The following LHX3 variants were observed in gnomAD, a reference collection of about 807,000 sequenced individuals.
The protein encoded by LHX3 is LIM homeobox 3.
In LHX3, 21 loss-of-function variants were observed where a neutral mutation model predicts 32.4. The observed-to-expected ratio is 0.65, with a 90% CI of 0.46 to 0.93. LHX3 has a LOEUF of 0.93. Ranked by LOEUF, LHX3 falls within the 40% of genes least tolerant of loss-of-function variation. The probability of loss-of-function intolerance (pLI) is 0.00; values close to 1 mark genes in which losing one functional copy is unlikely to be tolerated. For missense variants in LHX3, 626 were observed against 560.0 expected (o/e 1.12, Z -1.19); for synonymous variants, 258 against 246.8 (o/e 1.05, Z -0.43).
At chr9:136,200,503 C>T in intron 2 of LHX3, 79 bp downstream of exon 2, 1 of 1,474,932 alleles carries the variant, frequency 6.8e-7, no homozygotes, top group Non-Finnish European at 9.3e-7. Flanking sequence ...AGGGCCTGGC[C>T]TTGGTGATTG....
Position 136,198,648 on chromosome 9 carries a change from C to T in LHX3, c.775+4G>A. ...CCCCCGAGCTCCGCGATCCCTCCGC[C>T]TACCGGGGAAGGAGACCTCAGCGTC... On this transcript the variant is annotated splice_donor_region_variant and intron_variant, in intron 5 of 5. Transcript: ENST00000371748. 4 of 1,585,492 alleles carry T rather than the reference C, an allele frequency of 2.5e-6. No individual in the cohort carries two copies. The highest frequency in any genetic ancestry group is 3.4e-6 in the Non-Finnish European group (4 of 1,168,630).
intron 5 of LHX3, 98 bp downstream of exon 5, chr9:136,198,554 A>G (rs1831549338): frequency 2.2e-6 from 3 of 1,352,432 alleles, no homozygotes; most frequent in Middle Eastern, 2.4e-4. Flanking sequence ...GAGTCCACTA[A>G]CTCCATGGGA....
rs1472892706 is a variant in LHX3 at position 136,200,693 on chromosome 9, A to G, written c.140T>C (p.Leu47Pro). ...ACACTTGCTGTGCCAGTGGCGGTCCAGAGCCTTGAGGATGAAGCGGTCCAG... is the reference window on the plus strand; with the variant it reads ...ACACTTGCTGTGCCAGTGGCGGTCCGGAGCCTTGAGGATGAAGCGGTCCAG... ...HILDRFILKALDRHWHSKCLK... is the reference protein window; with the variant it reads ...HILDRFILKAPDRHWHSKCLK... Residue 47 changes from leucine (L) to proline (P), a missense_variant, in exon 2 of 6, where the codon CTG (leucine) becomes CCG (proline). Physicochemically the swap from Leu to Pro is moderately conservative, Grantham distance 98 (BLOSUM62 -3). Transcript: ENST00000371748. 1 of 1,613,550 alleles carries G rather than the reference A, an allele frequency of 6.2e-7. No homozygotes were observed. The highest frequency in any genetic ancestry group is 1.1e-5 in the South Asian group (1 of 91,078).
chr9:136,202,324 AG>A (rs1206359558), intron 1 of LHX3, among the ~76,000 whole-genome samples: 4 of 151,804 alleles, frequency 2.6e-5, no homozygotes, highest in Non-Finnish European at 5.9e-5. Flanking sequence ...CTGCGGCTCC[AG>A]CTGGCCCGGG....
intron 2 of LHX3, 31 bp downstream of exon 2, chr9:136,200,551 T>C (rs1216382625): frequency 1.9e-6 from 3 of 1,610,620 alleles, no homozygotes; most frequent in Non-Finnish European, 1.7e-6. Context: ...TGCCCTCCGC[T>C]CCCACACTGA....
At chr9:136,201,701 C>T in intron 1 of LHX3, 1 of 986,944 alleles carries the variant, frequency 1.0e-6, no homozygotes, top group African/African-American at 1.7e-5. Context: ...GAAGGGGCTC[C>T]CTCGACCTCC....
Position 136,199,663 on chromosome 9 carries a change from G to A in LHX3, c.454+15C>T, listed in dbSNP as rs779161135. 9 of 1,612,154 alleles carry A rather than the reference G, an allele frequency of 5.6e-6. No individual in the cohort carries two copies. Among genetic ancestry groups the A allele is most frequent in the South Asian group, 2.2e-5 (2 of 91,070 alleles). On this transcript the variant is annotated intron_variant, in intron 3 of 5. Coordinates refer to ENST00000371748, the MANE Select transcript of LHX3 (RefSeq NM_178138.6). ...TCAGACCAGGAAAGGTGGGAGCGTC[G>A]TCCCCTCGGCTGACCTCGCTGCTTG...
chr9:136,197,301 G>T lies in LHX3; in HGVS notation c.*24C>A, dbSNP rs763069778. 3.5e-5 allele frequency: 57 copies of T among 1,610,396 alleles called. 1 individual carries two copies. In the Admixed American group the frequency reaches 9.5e-4, roughly 27 times the overall value. On this transcript the variant is annotated 3_prime_UTR_variant, in exon 6 of 6. Coordinates refer to ENST00000371748, the MANE Select transcript of LHX3 (RefSeq NM_178138.6). ...CCCAGGGGCAGCTCCCTCGTGTGAG[G>T]TGCAGGGTGGAGCCGGGCCTGGGTC...
In LHX3 at chr9:136,198,634, CGCGAT is replaced by C; in HGVS notation, c.775+13_775+17del. 6.4e-7 allele frequency: 1 copy of C among 1,563,386 alleles called. No individual in the cohort carries two copies. Among genetic ancestry groups the C allele is most frequent in the Non-Finnish European group, 8.6e-7 (1 of 1,158,360 alleles). ...CGCGCGCTCGTCCCCCCCCGAGCTC[CGCGAT>C]CCCTCCGCCTACCGGGGAAGGAGAC... On this transcript the variant is annotated intron_variant, in intron 5 of 5. Transcript: ENST00000371748.
At chr9:136,201,988 C>A (rs1244482483) in intron 1 of LHX3, among the ~76,000 whole-genome samples, 1 of 151,928 alleles carries the variant, frequency 6.6e-6, no homozygotes, top group Non-Finnish European at 1.5e-5. Flanking sequence ...CGCCCCAGCC[C>A]ACCCCGCGCC....
At chr9:136,199,587 G>A in intron 3 of LHX3, 91 bp downstream of exon 3, 10 of 1,387,492 alleles carry the variant, frequency 7.2e-6, no homozygotes, top group Non-Finnish European at 9.2e-6. Context: ...AGCGCTTGGG[G>A]AGAGAATTTC....
intron 3 of LHX3, 46 bp downstream of exon 3, chr9:136,199,632 T>C (rs1429428495): frequency 6.3e-7 from 1 of 1,598,450 alleles, no homozygotes; most frequent in African/African-American, 1.3e-5. Flanking sequence ...CTCAGCCCCA[T>C]TTTTTTCAGA....
At chr9:136,202,167 C>G (rs974040460) in intron 1 of LHX3, among the ~76,000 whole-genome samples, 1 of 152,192 alleles carries the variant, frequency 6.6e-6, no homozygotes, top group Non-Finnish European at 1.5e-5. Flanking sequence ...CTCCGCCCCC[C>G]AGCCCCCGCG....
At chr9:136,200,151 G>C (rs1189516998) in intron 2 of LHX3, 1 of 594,262 alleles carries the variant, frequency 1.7e-6, no homozygotes, top group Admixed American at 2.8e-5. Flanking sequence ...CGGAGGGAGA[G>C]GACCCATCTG....
chr9:136,196,505 G>T lies in LHX3; in HGVS notation c.*820C>A, dbSNP rs991904119. The T allele has an allele frequency of 6.5e-6, 1 of 152,682 alleles. No homozygotes were observed. 9.5% of individuals were successfully genotyped at this position (152,682 alleles called of 1,614,324 possible). Reference sequence around the variant, plus strand: ...AGGAGCCCCACCCTTCTCCAGCGGGGAGACTTCCCAATCTGGGGCTGGCAG... The same window carrying T: ...AGGAGCCCCACCCTTCTCCAGCGGGTAGACTTCCCAATCTGGGGCTGGCAG... On this transcript the variant is annotated 3_prime_UTR_variant, in exon 6 of 6. Transcript: ENST00000371748.
chr9:136,204,999 G>T lies in LHX3; in HGVS notation c.14C>A (p.Thr5Lys). ...CCTCGCTCGGTCGCGCTCGAGCCCC[G>T]TTTCCAGCAGCATCGCGGCCACCAG... MLLE[T>K]GLERDRARPG... Residue 5 changes from threonine to lysine, a missense_variant, in exon 1 of 6, where the codon ACG becomes AAG. Thr to Lys is a moderately conservative substitution (Grantham distance 78, BLOSUM62 -1). Transcript: ENST00000371748. The T allele has an allele frequency of 6.3e-7, 1 of 1,589,128 alleles. No homozygotes were observed. The highest frequency in any genetic ancestry group is 2.3e-5 in the East Asian group (1 of 44,200).
In LHX3 at chr9:136,198,965, C is replaced by T. The variant is rs1176626321; in HGVS notation, c.549G>A (p.Ala183=). The T allele has an allele frequency of 1.9e-6, 3 of 1,589,630 alleles. No individual in the cohort carries two copies. Among genetic ancestry groups the T allele is most frequent in the Non-Finnish European group, 1.7e-6 (2 of 1,172,084 alleles). ...KSAYNTSPKP[A]RHVREQLSSE... ...ACGAGAGCTGCTCGCGCACGTGGCGCGCCGGCTTGGGCGAGGTGTTGTAAG... is the reference window on the plus strand; with the variant it reads ...ACGAGAGCTGCTCGCGCACGTGGCGTGCCGGCTTGGGCGAGGTGTTGTAAG... Residue 183 remains alanine (A), a synonymous_variant, in exon 4 of 6, where the codon GCG becomes GCA. Transcript: ENST00000371748.
intron 1 of LHX3, chr9:136,203,051 C>A: frequency 4.0e-6 from 6 of 1,517,158 alleles, no homozygotes; most frequent in Non-Finnish European, 8.8e-7. Context: ...GGTCCCGCCG[C>A]CCGGCGTCGC....
chr9:136,204,855 G>A, intron 1 of LHX3, 79 bp downstream of exon 1: 4 of 1,193,018 alleles, frequency 3.4e-6, no homozygotes, highest in Non-Finnish European at 3.6e-6. Context: ...TTGCCTGGCC[G>A]CTGGCCCTGC....
Sources: allele counts gnomAD v4.1 joint callset (sites outside exome capture counted in the v4.1 genomes callset), GRCh38; gene constraint gnomAD v4.1.1; transcripts MANE v1.5; gene names NCBI Gene and HGNC (gene_info 2026-07-23, HGNC 2026-07-21).